The following MTCL2 variants were observed in gnomAD, a reference collection of about 807,000 sequenced individuals.
The protein encoded by MTCL2 is microtubule cross-linking factor 2.
chr20:36,847,262 T>C, the MTCL2 span, among the ~76,000 whole-genome samples: 1 of 152,226 alleles, frequency 6.6e-6, no homozygotes, highest in African/African-American at 2.4e-5. Flanking sequence ...ACTGTGCTCT[T>C]CCAATTTGTT....
At chr20:36,859,314 G>A in the MTCL2 span, among the ~76,000 whole-genome samples, 5 of 152,152 alleles carry the variant, frequency 3.3e-5, no homozygotes, top group Non-Finnish European at 4.4e-5. Context: ...TCAGATCACC[G>A]GGTCTTTGAA....
At chr20:36,803,278 C>A in the MTCL2 span, among the ~76,000 whole-genome samples, 2 of 152,238 alleles carry the variant, frequency 1.3e-5, no homozygotes, top group East Asian at 3.8e-4. Context: ...AACCCCTAAC[C>A]CCTCCACACA....
chr20:36,777,638 A>C, the MTCL2 span: 2 of 482,606 alleles, frequency 4.1e-6, no homozygotes, highest in Non-Finnish European at 7.5e-6. Context: ...AGGAGAGAAT[A>C]GTGGACAAGA....
the MTCL2 span, among the ~76,000 whole-genome samples, chr20:36,798,509 G>T: frequency 5.9e-5 from 9 of 152,232 alleles, no homozygotes; most frequent in Admixed American, 1.3e-4. Flanking sequence ...ACTTCCCATT[G>T]TTGGTGGCTC....
the MTCL2 span, among the ~76,000 whole-genome samples, chr20:36,847,680 C>G: frequency 6.6e-6 from 1 of 151,874 alleles, no homozygotes. Flanking sequence ...ATAGCGAGAC[C>G]CCATCTCTAC....
the MTCL2 span, among the ~76,000 whole-genome samples, chr20:36,807,987 C>T: frequency 6.7e-5 from 10 of 149,722 alleles, no homozygotes; most frequent in Middle Eastern, 6.9e-3. Flanking sequence ...GCCATTCTCC[C>T]GCCTCAGCCT....
At chr20:36,804,552 C>T in the MTCL2 span, among the ~76,000 whole-genome samples, 2 of 152,200 alleles carry the variant, frequency 1.3e-5, no homozygotes, top group South Asian at 4.1e-4. Context: ...TCCCATTCCC[C>T]ACCGTTTCTG....
the MTCL2 span, among the ~76,000 whole-genome samples, chr20:36,850,362 AT>A: frequency 6.6e-6 from 1 of 152,086 alleles, no homozygotes; most frequent in Non-Finnish European, 1.5e-5. Context: ...AACCGTCTCT[AT>A]AAAAATACAA....
the MTCL2 span, chr20:36,829,018 C>T: frequency 6.6e-7 from 1 of 1,511,074 alleles, no homozygotes; most frequent in African/African-American, 1.4e-5. Flanking sequence ...GCCCACCTGC[C>T]CTAGGCTGGC....
the MTCL2 span, among the ~76,000 whole-genome samples, chr20:36,827,643 T>C: frequency 6.6e-6 from 1 of 152,082 alleles, no homozygotes; most frequent in African/African-American, 2.4e-5. Flanking sequence ...GCTTGTTTGT[T>C]TGCTTGCTTA....
the MTCL2 span, among the ~76,000 whole-genome samples, chr20:36,838,406 G>A: frequency 6.6e-6 from 1 of 151,556 alleles, no homozygotes; most frequent in East Asian, 2.0e-4. Context: ...ACCAGCCTGG[G>A]CAACATAATG....
the MTCL2 span, among the ~76,000 whole-genome samples, chr20:36,842,224 C>T: frequency 1.3e-5 from 2 of 152,126 alleles, no homozygotes; most frequent in Non-Finnish European, 1.5e-5. Context: ...CCCATTTGGC[C>T]TAGCAGGTGG....
the MTCL2 span, among the ~76,000 whole-genome samples, chr20:36,844,392 C>CA: frequency 4.8e-4 from 72 of 149,232 alleles, no homozygotes; most frequent in Middle Eastern, 3.5e-3. Flanking sequence ...CTCATCTCTA[C>CA]AAAAAAAAAA....
the MTCL2 span, among the ~76,000 whole-genome samples, chr20:36,827,963 C>A: frequency 6.6e-6 from 1 of 152,334 alleles, no homozygotes; most frequent in Admixed American, 6.5e-5. Context: ...TCTCCCTGCA[C>A]ACTGAGAGGG....
At chr20:36,816,101 C>T in the MTCL2 span, 2 of 1,613,556 alleles carry the variant, frequency 1.2e-6, no homozygotes, top group Non-Finnish European at 1.7e-6. Flanking sequence ...TCAGGTGCAC[C>T]TTCAGCTCGG....
chr20:36,842,383 TTA>T, the MTCL2 span, among the ~76,000 whole-genome samples: 2,943 of 152,354 alleles, frequency 0.019, 106 homozygotes, highest in African/African-American at 0.068. Context: ...TGCATAATTA[TTA>T]TGTCTCATAC....
the MTCL2 span, among the ~76,000 whole-genome samples, chr20:36,831,107 G>A: frequency 6.6e-6 from 1 of 152,236 alleles, no homozygotes; most frequent in Non-Finnish European, 1.5e-5. Context: ...CTGGTTGAGG[G>A]AAGCCAGGAA....
At chr20:36,807,105 G>C in the MTCL2 span, among the ~76,000 whole-genome samples, 44 of 152,280 alleles carry the variant, frequency 2.9e-4, no homozygotes, top group South Asian at 1.2e-3. Context: ...TCCCAGGGGC[G>C]GCCCTGTGTC....
chr20:36,819,967 G>A, the MTCL2 span, among the ~76,000 whole-genome samples: 1 of 152,224 alleles, frequency 6.6e-6, no homozygotes, highest in Non-Finnish European at 1.5e-5. Flanking sequence ...GAGCCAGGAG[G>A]CAGCAGACAA....
Sources: allele counts gnomAD v4.1 joint callset (sites outside exome capture counted in the v4.1 genomes callset), GRCh38; gene constraint gnomAD v4.1.1; transcripts MANE v1.5; gene names NCBI Gene and HGNC (gene_info 2026-07-23, HGNC 2026-07-21).